The following GRAMD1B variants were observed in gnomAD, a reference collection of about 807,000 sequenced individuals.
GRAMD1B encodes the protein GRAM domain containing 1B.
GRAMD1B carries 37 observed loss-of-function variants against 99.7 expected under a neutral mutation model. The observed-to-expected ratio is 0.37, with a 90% CI of 0.29 to 0.49. The LOEUF is 0.49. Ranked by LOEUF, GRAMD1B falls within the 20% of genes least tolerant of loss-of-function variation. The pLI is 0.98. For missense variants in GRAMD1B, 888 were observed against 1,009.2 expected, an observed-to-expected ratio of 0.88 and a Z score of 1.63; for synonymous variants, 427 against 387.6, an observed-to-expected ratio of 1.10 and a Z score of -1.19.
At chr11:123,491,695 T>C in intron 2 of GRAMD1B, 1 of 391,972 alleles carries the variant, frequency 2.6e-6, no homozygotes, top group Non-Finnish European at 4.5e-6. Context: ...GCCTGTGTTT[T>C]ATATTGAACC....
chr11:123,462,891 T>TAAATAA, intron 1 of GRAMD1B, among the ~76,000 whole-genome samples: 1 of 111,426 alleles, frequency 9.0e-6, no homozygotes, highest in Non-Finnish European at 2.0e-5. Flanking sequence ...AAAAATAAAT[T>TAAATAA]AAAAAAAAAA....
chr11:123,374,349 C>T (rs1406666939), intron 1 of GRAMD1B, among the ~76,000 whole-genome samples: 1 of 152,116 alleles, frequency 6.6e-6, no homozygotes, highest in Admixed American at 6.5e-5. Flanking sequence ...TACTTATAGC[C>T]CCCTTCCTCT....
chr11:123,558,636 T>A (rs1338516140), intron 2 of GRAMD1B, among the ~76,000 whole-genome samples: 3 of 152,192 alleles, frequency 2.0e-5, no homozygotes, highest in Non-Finnish European at 4.4e-5. Context: ...TCCAAGATCT[T>A]TCCGTGGATT....
At chr11:123,361,683 A>G (rs771168838) in intron 1 of GRAMD1B, among the ~76,000 whole-genome samples, 4 of 152,172 alleles carry the variant, frequency 2.6e-5, no homozygotes, top group Non-Finnish European at 5.9e-5. Context: ...CTGCACATAT[A>G]TTTTAGCTGT....
intron 1 of GRAMD1B, among the ~76,000 whole-genome samples, chr11:123,370,246 G>A (rs970764863): frequency 8.6e-5 from 13 of 151,566 alleles, no homozygotes; most frequent in African/African-American, 3.2e-4. Context: ...AACCCAGGAG[G>A]TGGAGGTTGC....
At chr11:123,523,309 G>T (rs1454609229) in intron 2 of GRAMD1B, among the ~76,000 whole-genome samples, 1 of 152,172 alleles carries the variant, frequency 6.6e-6, no homozygotes, top group Non-Finnish European at 1.5e-5. Context: ...TCCAGCCTGG[G>T]CAACAGAGTG....
chr11:123,538,610 CTTTAT>C (rs765265174), intron 2 of GRAMD1B, among the ~76,000 whole-genome samples: 1 of 151,706 alleles, frequency 6.6e-6, no homozygotes, highest in African/African-American at 2.4e-5. Flanking sequence ...CTATTCTGGA[CTTTAT>C]TTTATTTTAT....
rs1938729379 is a variant in GRAMD1B, at chr11:123,492,862, A to ACACACACACG, written c.452+11971_452+11972insCACACACGCA. Among the ~76,000 whole-genome samples the ACACACACACG allele has an allele frequency of 7.2e-6, 1 of 138,412 alleles. No individual in the cohort carries two copies. The highest frequency in any genetic ancestry group is 2.7e-5 in the African/African-American group (1 of 37,732). The allele number at this position is 138,412 out of a possible 152,430, so 90.8% of individuals were successfully genotyped here. ...CTCTCTCTCTGTCTCTCTCTTTCACACATACACACACACACACACACACAC... is the reference window on the plus strand; with the variant it reads ...CTCTCTCTCTGTCTCTCTCTTTCACACACACACACGCATACACACACACACACACACACAC... On this transcript the variant is annotated intron_variant, in intron 2 of 19. Transcript: ENST00000635736. This position sits in a 1 kb window ranked among gnomAD's most constrained non-coding sequence, Gnocchi z 4.2.
intron 2 of GRAMD1B, among the ~76,000 whole-genome samples, chr11:123,493,307 A>T (rs1938817283): frequency 6.6e-6 from 1 of 152,200 alleles, no homozygotes; most frequent in African/African-American, 2.4e-5. Flanking sequence ...AAAATAAGAA[A>T]GGCACTTAGC....
Position 123,596,086 on chromosome 11 carries a change from A to G in GRAMD1B, c.969+49A>G, listed in dbSNP as rs961257319. On this transcript the variant is annotated intron_variant, in intron 7 of 19. Coordinates refer to ENST00000635736, the MANE Select transcript of GRAMD1B (RefSeq NM_001387025.1). ...TTTCTAATCCTCCCTTACTCCTCCT[A>G]CTCTTGTATTTCTGCCCTTTCTTGA... The G allele has an allele frequency of 3.1e-6, 3 of 976,580 alleles. No individual in the cohort carries two copies. The African/African-American group carries it at 4.9e-5, about 16-fold the overall frequency. The allele number at this position is 976,580 out of a possible 1,614,324, so 60.5% of individuals were successfully genotyped here.
chr11:123,479,224 T>C (rs1269157199), intron 1 of GRAMD1B, among the ~76,000 whole-genome samples: 1 of 152,202 alleles, frequency 6.6e-6, no homozygotes, highest in Non-Finnish European at 1.5e-5. Flanking sequence ...GTAACGTGTA[T>C]GGTTTCTTGT....
At chr11:123,548,301 T>C (rs1402927772) in intron 2 of GRAMD1B, among the ~76,000 whole-genome samples, 4 of 65,082 alleles carry the variant, frequency 6.1e-5, no homozygotes, top group African/African-American at 5.5e-4. Context: ...AATATATATA[T>C]ATATATATAT....
At chr11:123,576,914 G>A (rs1948766167) in intron 2 of GRAMD1B, among the ~76,000 whole-genome samples, 1 of 152,230 alleles carries the variant, frequency 6.6e-6, no homozygotes, top group Non-Finnish European at 1.5e-5. Flanking sequence ...AAATAGGATT[G>A]TAATTGTTAT....
chr11:123,391,719 G>A (rs1591414305), intron 1 of GRAMD1B, among the ~76,000 whole-genome samples: 1 of 152,198 alleles, frequency 6.6e-6, no homozygotes, highest in African/African-American at 2.4e-5. Flanking sequence ...GCCCCCCAAA[G>A]TGCTGGGATT....
chr11:123,605,195 T>A (rs1376582837), intron 9 of GRAMD1B, 127 bp from the exon 10 acceptor site: 1 of 625,084 alleles, frequency 1.6e-6, no homozygotes, highest in East Asian at 3.2e-5. Context: ...TAGAGGAAGA[T>A]CATACACAAA....
chr11:123,409,155 C>G (rs1380531241), intron 1 of GRAMD1B, among the ~76,000 whole-genome samples: 1 of 152,188 alleles, frequency 6.6e-6, no homozygotes, highest in Non-Finnish European at 1.5e-5. Flanking sequence ...TTTGTTTTAT[C>G]ACATAACTGC....
At chr11:123,380,321 G>C (rs1262617096) in intron 1 of GRAMD1B, among the ~76,000 whole-genome samples, 1 of 152,130 alleles carries the variant, frequency 6.6e-6, no homozygotes, top group African/African-American at 2.4e-5. Context: ...TTAGGTCTTT[G>C]ATCCTCATGG....
intron 2 of GRAMD1B, among the ~76,000 whole-genome samples, chr11:123,567,886 G>A (rs893011436): frequency 4.6e-5 from 7 of 152,118 alleles, no homozygotes; most frequent in African/African-American, 1.4e-4. Context: ...TCTCTACTTC[G>A]CCAAAAACTT....
chr11:123,361,108 G>A (rs907807703), intron 1 of GRAMD1B, among the ~76,000 whole-genome samples: 3 of 152,098 alleles, frequency 2.0e-5, no homozygotes, highest in African/African-American at 7.2e-5. Context: ...GAGCCACTGC[G>A]CCTGGCTGAA....
Sources: allele counts gnomAD v4.1 joint callset (sites outside exome capture counted in the v4.1 genomes callset), GRCh38; gene constraint gnomAD v4.1.1; non-coding constraint Gnocchi (gnomAD v3.1); transcripts MANE v1.5; gene names NCBI Gene and HGNC (gene_info 2026-07-23, HGNC 2026-07-21).